Variants in ACD observed in about 807,000 individuals in gnomAD.
ACD encodes the protein ACD shelterin complex subunit and telomerase recruitment factor.
In ACD, 39 loss-of-function variants were observed where a neutral mutation model predicts 53.9. That is an observed-to-expected ratio of 0.72 (90% confidence interval 0.56 to 0.95). ACD has a LOEUF of 0.95. ACD is among the 40% of genes least tolerant of loss of function. ACD has a pLI of 0.00. For missense variants in ACD, 526 were observed against 587.9 expected, an observed-to-expected ratio of 0.89 and a Z score of 1.09; for synonymous variants, 273 against 249.2, an observed-to-expected ratio of 1.10 and a Z score of -0.90.
At position 67,659,046 on chromosome 16, in the gene ACD, C is replaced by A. The variant is rs145007645; in HGVS notation, c.527G>T (p.Arg176Leu). The change falls in exon 7 of 12, where the codon CGG becomes CTG. Residue 176 changes from arginine to leucine, a missense_variant. Coordinates refer to ENST00000620761, the MANE Select transcript of ACD (RefSeq NM_001082486.2). ...TGCCCCCTGATGCTCCTGGTCCTCC[C>A]GCATTTCATCCAGAAGCTGGGACAG... The part of the protein sequence containing the change: ...LSLSQLLDEM[R>L]EDQEHQGALV... 149 of 1,613,818 alleles carry A rather than the reference C, an allele frequency of 9.2e-5. No homozygotes were observed. The highest frequency in any genetic ancestry group is 1.2e-4 in the Non-Finnish European group (146 of 1,180,012).
Position 67,659,732 on chromosome 16 carries a change from C to T in ACD, c.306G>A (p.Gly102=), listed in dbSNP as rs1470698882. ...EGRLLLLQDC[G]VHVQVAEGGA... is the part of the protein sequence containing the mutation. ...CGCCCTCAGCGACCTGGACATGAACCCCGCAGTCCTGCAGCAGCAGCAGCC... is the reference window on the plus strand; with the variant it reads ...CGCCCTCAGCGACCTGGACATGAACTCCGCAGTCCTGCAGCAGCAGCAGCC... Residue 102 remains glycine (G), a synonymous_variant, in exon 3 of 12, where the codon GGG becomes GGA. Coordinates refer to ENST00000620761, the MANE Select transcript of ACD (RefSeq NM_001082486.2). 2.5e-6 allele frequency: 4 copies of T among 1,613,258 alleles called. No individual in the cohort carries two copies. Among genetic ancestry groups the T allele is most frequent in the Admixed American group, 3.3e-5 (2 of 60,002 alleles).
At position 67,658,217 on chromosome 16, in the gene ACD, G is replaced by A; in HGVS notation, c.975C>T (p.Thr325=). Residue 325 remains threonine, a synonymous_variant, in exon 10 of 12, where the codon ACC becomes ACT. Coordinates refer to ENST00000620761, the MANE Select transcript of ACD (RefSeq NM_001082486.2). ...TGGCGTGTGGGGACCTGGGGGTCAGGGTGGCAGGGGCTGAGCAGATGGCTG... is the reference window on the plus strand; with the variant it reads ...TGGCGTGTGGGGACCTGGGGGTCAGAGTGGCAGGGGCTGAGCAGATGGCTG... ...PSPAICSAPA[T]LTPRSPHASR... 2 of 1,613,342 alleles carry A rather than the reference G, an allele frequency of 1.2e-6. No homozygotes were observed. Among genetic ancestry groups the A allele is most frequent in the Non-Finnish European group, 1.7e-6 (2 of 1,179,948 alleles).
At chr16:67,659,174 G>C in intron 6 of ACD, 55 bp downstream of exon 6, 1 of 1,613,180 alleles carries the variant, frequency 6.2e-7, no homozygotes, top group African/African-American at 1.3e-5. Context: ...ATAAGGTTAA[G>C]GCTGGAGAGA....
intron 9 of ACD, 83 bp from the exon 10 acceptor site, chr16:67,658,445 G>A: frequency 1.9e-6 from 3 of 1,605,720 alleles, no homozygotes; most frequent in Non-Finnish European, 2.6e-6. Context: ...CAGGACTGCA[G>A]GGACCGTGTT....
intron 6 of ACD, 52 bp from the exon 7 acceptor site, chr16:67,659,131 A>G (rs1597771727): frequency 6.2e-7 from 1 of 1,608,734 alleles, no homozygotes; most frequent in Non-Finnish European, 8.5e-7. Context: ...GAGGACCAGG[A>G]GGGTGAGGGG....
rs1273023005 is a variant in ACD at position 67,659,533 on chromosome 16, T to G, written c.413+4A>C. Reference sequence around the variant, plus strand: ...AGCTGCTGGAGGGCGGAGGCATCACTTACCAACCAGGCACCCGTAGCCGGG... The same window carrying G: ...AGCTGCTGGAGGGCGGAGGCATCACGTACCAACCAGGCACCCGTAGCCGGG... On this transcript the variant is annotated splice_donor_region_variant and intron_variant, in intron 4 of 11. Transcript: ENST00000620761. 6.2e-7 allele frequency: 1 copy of G among 1,613,070 alleles called. No individual in the cohort carries two copies. The highest frequency in any genetic ancestry group is 8.5e-7 in the Non-Finnish European group (1 of 1,179,404).
chr16:67,658,061 C>A lies in ACD; in HGVS notation c.1131G>T (p.Gly377=), dbSNP rs1483135274. 1 of 1,555,660 alleles carries A rather than the reference C, an allele frequency of 6.4e-7. No individual in the cohort carries two copies. Among genetic ancestry groups the A allele is most frequent in the South Asian group, 1.2e-5 (1 of 80,506 alleles). Residue 377 remains glycine (G), a synonymous_variant, in exon 10 of 12, where the codon GGG becomes GGT. Coordinates refer to ENST00000620761, the MANE Select transcript of ACD (RefSeq NM_001082486.2). ...KPSLEFKEFV[G]LPCKNRPPFP... is the part of the protein sequence containing the mutation. Reference sequence around the variant, plus strand: ...AAGGCGGCCGATTCTTGCAGGGCAACCCTACAAACTCCTTGAACTCCAGGC... The same window carrying A: ...AAGGCGGCCGATTCTTGCAGGGCAAACCTACAAACTCCTTGAACTCCAGGC...
rs370161022 is a variant in ACD, at chr16:67,658,371, G to C, written c.830-9C>G. ...GGGTAAGGCCGGGGTTCCTGAGGAG[G>C]AGGGGACTTATTGTAGGCACAGCCC... is the stretch of plus-strand genomic sequence containing the variant. On this transcript the variant is annotated splice_polypyrimidine_tract_variant and intron_variant, in intron 9 of 11. Coordinates refer to ENST00000620761, the MANE Select transcript of ACD (RefSeq NM_001082486.2). The C allele has an allele frequency of 6.2e-7, 1 of 1,613,386 alleles. No individual in the cohort carries two copies. Among genetic ancestry groups the C allele is most frequent in the East Asian group, 2.2e-5 (1 of 44,902 alleles).
Position 67,659,374 on chromosome 16 carries a change from C to T in ACD, c.458+1G>A. 2.5e-6 allele frequency: 4 copies of T among 1,614,100 alleles called. No individual in the cohort carries two copies. Among genetic ancestry groups the T allele is most frequent in the Non-Finnish European group, 3.4e-6 (4 of 1,180,014 alleles). ...GCCCCCGAGCCCAACCCCAGACTCA[C>T]TCAAGGCAGTCATAGAGCTTTTTCT... On this transcript the variant is annotated splice_donor_variant, in intron 5 of 11. Transcript: ENST00000620761. LOFTEE classifies it high-confidence loss of function.
chr16:67,658,516 AGGC>A (rs1199770266), intron 9 of ACD, 36 bp downstream of exon 9: 1 of 1,569,170 alleles, frequency 6.4e-7, no homozygotes, highest in Non-Finnish European at 8.7e-7. Flanking sequence ...CCTGACTGAC[AGGC>A]GGCAGTGAGT....
chr16:67,658,989 A>C lies in ACD; in HGVS notation c.584T>G (p.Leu195Arg). 1 of 1,613,892 alleles carries C rather than the reference A, an allele frequency of 6.2e-7. No individual in the cohort carries two copies. Among genetic ancestry groups the C allele is most frequent in the Non-Finnish European group, 8.5e-7 (1 of 1,180,008 alleles). ...AGGGGGTGCTGTGCAAGGGCCCTCC[A>C]GTGTCAGGCAGCTTTCAGCCAGGCA... Reference protein sequence around the residue: ...LVCLAESCLTLEGPCTAPPVT... With the variant: ...LVCLAESCLTREGPCTAPPVT... The change falls in exon 7 of 12, where the codon CTG (leucine) becomes CGG (arginine). Residue 195 changes from leucine to arginine, a missense_variant. Leu to Arg is a moderately radical substitution (Grantham distance 102, BLOSUM62 -2). Coordinates refer to ENST00000620761, the MANE Select transcript of ACD (RefSeq NM_001082486.2).
At chr16:67,658,407 G>A in intron 9 of ACD, 45 bp from the exon 10 acceptor site, 2 of 1,612,282 alleles carry the variant, frequency 1.2e-6, no homozygotes, top group Non-Finnish European at 1.7e-6. Flanking sequence ...TCTCCGCTCA[G>A]GGCAGCTGAG....
In ACD at chr16:67,660,018, CGACCGCGGCCTCGGCGTCCTGTAGTACCT is replaced by C; in HGVS notation, c.100-2_126del. 1 of 1,606,406 alleles carries C rather than the reference CGACCGCGGCCTCGGCGTCCTGTAGTACCT, an allele frequency of 6.2e-7. No individual in the cohort carries two copies. The highest frequency in any genetic ancestry group is 8.5e-7 in the Non-Finnish European group (1 of 1,177,176). ...GTATCAGGGGCGTGGGATGGGCCCG[CGACCGCGGCCTCGGCGTCCTGTAGTACCT>C]GACGGCGGCGAGCGGCGTCAATCCC... On this transcript the variant is annotated splice_acceptor_variant and coding_sequence_variant, in exon 2 of 12. Coordinates refer to ENST00000620761, the MANE Select transcript of ACD (RefSeq NM_001082486.2). LOFTEE classifies it high-confidence loss of function.
rs1377497479 is a variant in ACD, at chr16:67,660,257, G to A, written c.-37C>T. 3.0e-5 allele frequency: 48 copies of A among 1,612,270 alleles called. No individual in the cohort carries two copies. Among genetic ancestry groups the A allele is most frequent in the Non-Finnish European group, 3.8e-5 (45 of 1,179,850 alleles). On this transcript the variant is annotated 5_prime_UTR_variant, in exon 1 of 12. Coordinates refer to ENST00000620761, the MANE Select transcript of ACD (RefSeq NM_001082486.2). ...CACCCAGCGGATGCAACGGGCCCGG[G>A]TTTCCCGCGGGCGCCCAGGCCCCGC...
rs780160617 is a variant in ACD at position 67,658,983 on chromosome 16, C to A, written c.590G>T (p.Gly197Val). Residue 197 changes from glycine to valine, a missense_variant, in exon 7 of 12, where the codon GGC becomes GTC. Transcript: ENST00000620761. ...CLAESCLTLE[G>V]PCTAPPVTHW... The stretch of plus-strand genomic sequence containing the variant: ...GGTGACAGGGGGTGCTGTGCAAGGG[C>A]CCTCCAGTGTCAGGCAGCTTTCAGC... 6.8e-6 allele frequency: 11 copies of A among 1,613,890 alleles called. No homozygotes were observed. The highest frequency in any genetic ancestry group is 3.3e-4 in the Middle Eastern group (2 of 6,060).
At chr16:67,659,183 G>A (rs765771729) in intron 6 of ACD, 46 bp downstream of exon 6, 15 of 1,613,346 alleles carry the variant, frequency 9.3e-6, no homozygotes, top group African/African-American at 2.7e-5. Flanking sequence ...AGGCTGGAGA[G>A]ATCACTGCAC....
At position 67,658,627 on chromosome 16, in the gene ACD, G is replaced by T; in HGVS notation, c.757C>A (p.Pro253Thr). ...AGGTCCTGCAGAGCCGGGTCTGGTGGGGGCAGCTCAGGGCCTGGGGGGTTC... is the reference window on the plus strand; with the variant it reads ...AGGTCCTGCAGAGCCGGGTCTGGTGTGGGCAGCTCAGGGCCTGGGGGGTTC... ...CQRTQGPELP[P>T]PDPALQDLSL... Residue 253 changes from proline (P) to threonine (T), a missense_variant, in exon 9 of 12, where the codon CCA (proline) becomes ACA (threonine). Physicochemically the swap from Pro to Thr is conservative, Grantham distance 38 (BLOSUM62 -1). Transcript: ENST00000620761. 1 of 1,578,148 alleles carries T rather than the reference G, an allele frequency of 6.3e-7. No individual in the cohort carries two copies. The highest frequency in any genetic ancestry group is 8.6e-7 in the Non-Finnish European group (1 of 1,160,946).
intron 5 of ACD, 51 bp from the exon 6 acceptor site, chr16:67,659,314 C>T (rs376240019): frequency 6.2e-7 from 1 of 1,614,088 alleles, no homozygotes; most frequent in Non-Finnish European, 8.5e-7. Context: ...GGCCTGTCTA[C>T]CTAGATACAC....
Position 67,657,762 on chromosome 16 carries a change from C to A in ACD, c.1298G>T (p.Arg433Met). Residue 433 changes from arginine to methionine, a missense_variant and splice_region_variant, in exon 11 of 12, where the codon AGG (arginine) becomes ATG (methionine). Transcript: ENST00000620761. This position sits in a 1 kb window ranked among gnomAD's most constrained non-coding sequence, Gnocchi z 4.5. ...TSLCARVQAV[R>M]LPPQLMAWAL... ...AGTTGGGGCAGACCCAGGCACTCAC[C>A]TGACAGCTTGGACCCGAGCACAGAG... 6.2e-7 allele frequency: 1 copy of A among 1,614,102 alleles called. No homozygotes were observed. The highest frequency in any genetic ancestry group is 8.5e-7 in the Non-Finnish European group (1 of 1,180,008).
Sources: allele counts gnomAD v4.1 joint callset, GRCh38; gene constraint gnomAD v4.1.1; non-coding constraint Gnocchi (gnomAD v3.1); transcripts MANE v1.5; gene names NCBI Gene and HGNC (gene_info 2026-07-23, HGNC 2026-07-21).